The following COL15A1 variants were observed in gnomAD, a reference collection of about 807,000 sequenced individuals.
The protein encoded by COL15A1 is collagen type XV alpha 1 chain.
In COL15A1, 111 loss-of-function variants were observed where a neutral mutation model predicts 165.9. The ratio of observed to expected loss-of-function variants is 0.67; its 90% CI spans 0.57 to 0.78. The LOEUF (loss-of-function observed/expected upper bound fraction) is 0.78. Among genes scored for constraint, COL15A1 ranks in the 30% least tolerant of loss-of-function variants. The probability of loss-of-function intolerance (pLI) is 0.00; values close to 1 mark genes in which losing one functional copy is unlikely to be tolerated. For synonymous variants in COL15A1, 659 were observed against 674.8 expected, an observed-to-expected ratio of 0.98 and a Z score of 0.36; for missense variants, 1,745 against 1,789.7, an observed-to-expected ratio of 0.98 and a Z score of 0.45.
intron 4 of COL15A1, 46 bp from the exon 5 acceptor site, chr9:98,989,132 C>T: frequency 6.7e-7 from 1 of 1,487,040 alleles, no homozygotes; most frequent in Non-Finnish European, 9.4e-7. Context: ...CTCTTATGGG[C>T]CCTGCCCGCT....
Position 99,023,344 on chromosome 9 carries a change from C to T in COL15A1, c.1762-13C>T. 1.3e-6 allele frequency: 2 copies of T among 1,587,632 alleles called. No homozygotes were observed. Among genetic ancestry groups the T allele is most frequent in the Admixed American group, 1.8e-5 (1 of 54,420 alleles). ...AGTTAAATGCAAGTAGTGGAAATTTCTTCTCTTTCCAGGCAGGAGCAGAAG... is the reference window on the plus strand; with the variant it reads ...AGTTAAATGCAAGTAGTGGAAATTTTTTCTCTTTCCAGGCAGGAGCAGAAG... On this transcript the variant is annotated splice_polypyrimidine_tract_variant and intron_variant, in intron 13 of 41. Coordinates refer to ENST00000375001, the MANE Select transcript of COL15A1 (RefSeq NM_001855.5).
At chr9:98,991,869 T>C (rs1838439789) in intron 5 of COL15A1, among the ~76,000 whole-genome samples, 1 of 151,938 alleles carries the variant, frequency 6.6e-6, no homozygotes, top group Non-Finnish European at 1.5e-5. Flanking sequence ...TTGGTGTATT[T>C]ACAATCCTTT....
At chr9:99,033,053 A>T (rs965528852) in intron 16 of COL15A1, among the ~76,000 whole-genome samples, 1 of 152,230 alleles carries the variant, frequency 6.6e-6, no homozygotes, top group African/African-American at 2.4e-5. Context: ...TGTTTCTCAC[A>T]GTATTGCCTT....
chr9:98,987,249 T>C (rs1197185518), intron 3 of COL15A1, 45 bp from the exon 4 acceptor site: 1 of 1,565,480 alleles, frequency 6.4e-7, no homozygotes, highest in South Asian at 1.1e-5. Flanking sequence ...GCAGTCATGC[T>C]GTGTACGTGC....
chr9:98,966,144 G>T (rs1837952772), intron 2 of COL15A1, among the ~76,000 whole-genome samples: 1 of 152,320 alleles, frequency 6.6e-6, no homozygotes, highest in Non-Finnish European at 1.5e-5. Flanking sequence ...CCCCTAGGGA[G>T]ATGTAAATTA....
intron 5 of COL15A1, among the ~76,000 whole-genome samples, chr9:98,996,715 A>G (rs1838550379): frequency 1.3e-5 from 2 of 152,170 alleles, no homozygotes; most frequent in Admixed American, 1.3e-4. Flanking sequence ...GAATAGTCTC[A>G]CTGTCAAGTG....
At chr9:99,042,410 G>A (rs757253441) in intron 24 of COL15A1, among the ~76,000 whole-genome samples, 2 of 152,168 alleles carry the variant, frequency 1.3e-5, no homozygotes, top group Non-Finnish European at 2.9e-5. Flanking sequence ...AGACGAGAAG[G>A]TACGAAGTGG....
chr9:99,027,758 A>G (rs1416395955), intron 16 of COL15A1, among the ~76,000 whole-genome samples: 1 of 152,216 alleles, frequency 6.6e-6, no homozygotes, highest in Non-Finnish European at 1.5e-5. Flanking sequence ...TGCACTGTGC[A>G]CATATGAGGT....
At chr9:98,992,068 C>T (rs992471546) in intron 5 of COL15A1, among the ~76,000 whole-genome samples, 6 of 152,282 alleles carry the variant, frequency 3.9e-5, no homozygotes, top group Non-Finnish European at 7.3e-5. Flanking sequence ...TAGTGGATCC[C>T]GCACGAGGGC....
At position 99,050,509 on chromosome 9, in the gene COL15A1, C is replaced by T. The variant is rs1588534136; in HGVS notation, c.2904+614C>T. ...GAGGGGTCAGGCACTTGCCCGGCCCCCCAGCCATTGAGCAGCTCTGTCCCT... is the reference window on the plus strand; with the variant it reads ...GAGGGGTCAGGCACTTGCCCGGCCCTCCAGCCATTGAGCAGCTCTGTCCCT... On this transcript the variant is annotated intron_variant, in intron 30 of 41. Coordinates refer to ENST00000375001, the MANE Select transcript of COL15A1 (RefSeq NM_001855.5). Among the ~76,000 whole-genome samples the T allele has an allele frequency of 2.0e-5, 3 of 152,198 alleles. No homozygotes were observed. In the South Asian group the frequency reaches 6.2e-4, roughly 31 times the overall value.
chr9:99,017,720 G>A (rs1221684292), intron 11 of COL15A1, among the ~76,000 whole-genome samples: 1 of 152,066 alleles, frequency 6.6e-6, no homozygotes, highest in Admixed American at 6.5e-5. Flanking sequence ...CTGCTCTTCT[G>A]CACCTCACCC....
intron 4 of COL15A1, among the ~76,000 whole-genome samples, chr9:98,988,730 C>G (rs1024813400): frequency 3.3e-5 from 5 of 152,092 alleles, no homozygotes; most frequent in Admixed American, 6.5e-5. Flanking sequence ...GGAGACCAGC[C>G]TGGCCAACAT....
intron 9 of COL15A1, 80 bp downstream of exon 9, chr9:99,005,130 C>T: frequency 7.1e-7 from 1 of 1,417,802 alleles, no homozygotes; most frequent in Non-Finnish European, 9.5e-7. Flanking sequence ...GGCTCCTGCT[C>T]AGCAAACCCA....
chr9:98,962,182 G>A (rs1256339219), intron 2 of COL15A1, among the ~76,000 whole-genome samples: 2 of 152,190 alleles, frequency 1.3e-5, no homozygotes, highest in South Asian at 2.1e-4. Flanking sequence ...ATGTGCATCC[G>A]TAAACATAGG....
At chr9:99,059,615 A>G (rs1378858333) in intron 35 of COL15A1, among the ~76,000 whole-genome samples, 1 of 152,256 alleles carries the variant, frequency 6.6e-6, no homozygotes, top group Non-Finnish European at 1.5e-5. Context: ...TTATAAAACA[A>G]CCACAAAAGG....
intron 6 of COL15A1, among the ~76,000 whole-genome samples, chr9:98,998,148 G>A (rs551544740): frequency 7.6e-4 from 116 of 152,270 alleles, no homozygotes; most frequent in African/African-American, 2.7e-3. Context: ...GTGTGTATTA[G>A]ATACATCACA....
chr9:99,063,929 G>A (rs566290518), intron 39 of COL15A1, among the ~76,000 whole-genome samples: 3 of 152,092 alleles, frequency 2.0e-5, no homozygotes, highest in East Asian at 3.9e-4. Flanking sequence ...TTCATTGCTG[G>A]GATTAGAAAG....
At position 99,028,346 on chromosome 9, in the gene COL15A1, C is replaced by A. The variant is rs949017117; in HGVS notation, c.2043+2380C>A. On this transcript the variant is annotated intron_variant, in intron 16 of 41. Coordinates refer to ENST00000375001, the MANE Select transcript of COL15A1 (RefSeq NM_001855.5). ...TAAGTATGAGCTAAGCTATGAGGACCCAAAGGCATAAGAATGATATAACAG... is the reference window on the plus strand; with the variant it reads ...TAAGTATGAGCTAAGCTATGAGGACACAAAGGCATAAGAATGATATAACAG... Among the ~76,000 whole-genome samples the A allele has an allele frequency of 3.3e-5, 5 of 151,816 alleles. No individual in the cohort carries two copies. The East Asian group carries it at 9.6e-4, about 29-fold the overall frequency.
At chr9:98,972,744 T>G (rs1564020187) in intron 2 of COL15A1, among the ~76,000 whole-genome samples, 1 of 152,156 alleles carries the variant, frequency 6.6e-6, no homozygotes, top group Non-Finnish European at 1.5e-5. Flanking sequence ...AGGGCCCATG[T>G]CTAAGCATAT....
Sources: gnomAD v4.1 joint callset for allele counts (sites outside exome capture counted in the v4.1 genomes callset) on GRCh38, gnomAD v4.1.1 for gene constraint, MANE v1.5 for transcripts, NCBI Gene and HGNC (gene_info 2026-07-23, HGNC 2026-07-21) for gene names.